Variants in LSM14B observed in about 807,000 individuals in gnomAD.
LSM14B encodes the protein LSM family member 14B.
LSM14B carries 8 observed loss-of-function variants against 42.1 expected under a neutral mutation model. The observed-to-expected ratio is 0.19, with a 90% CI of 0.11 to 0.34. LSM14B has a LOEUF of 0.34. Among genes scored for constraint, LSM14B ranks in the 10% least tolerant of loss-of-function variants. The pLI is 1.00. For missense variants in LSM14B, 396 were observed against 513.1 expected (o/e 0.77, Z 2.21); for synonymous variants, 219 against 209.7 (o/e 1.04, Z -0.38).
intron 7 of LSM14B, 83 bp downstream of exon 7, chr20:62,131,589 C>G: frequency 6.5e-7 from 1 of 1,540,450 alleles, no homozygotes; most frequent in Non-Finnish European, 8.8e-7. Context: ...GAGGGCAGAG[C>G]TGGACTCTGA....
rs761093038 is a variant in LSM14B at position 62,129,941 on chromosome 20, A to G, written c.584A>G (p.Lys195Arg). 3.5e-5 allele frequency: 56 copies of G among 1,612,952 alleles called. No homozygotes were observed. In the African/African-American group the frequency reaches 6.0e-4, roughly 17 times the overall value. Residue 195 changes from lysine to arginine, a missense_variant, in exon 4 of 9, where the codon AAG becomes AGG. Around this residue, in one of 3 missense-constraint regions of LSM14B, gnomAD observed 274 missense variants for 335.8 expected, o/e 0.82. Coordinates refer to ENST00000279068, the MANE Select transcript of LSM14B (RefSeq NM_144703.3). ...LNGRQAQPSS[K>R]TASDVVQPAA... ...GGTCGTCAGGCCCAGCCGAGCAGCA[A>G]GACGGCCAGCGGTACTTGAACACAT...
chr20:62,129,124 AG>A (rs2056690418), intron 3 of LSM14B: 1 of 682,312 alleles, frequency 1.5e-6, no homozygotes, highest in Non-Finnish European at 2.2e-6. Context: ...GCAGTTTCAT[AG>A]GCATAGCCCC....
intron 3 of LSM14B, chr20:62,127,648 A>G (rs2056644979): frequency 1.3e-6 from 2 of 1,550,964 alleles, no homozygotes; most frequent in Admixed American, 3.9e-5. Context: ...CCATCTCCAC[A>G]GCCCGTTTCA....
chr20:62,130,233 G>A lies in LSM14B; in HGVS notation c.610G>A (p.Ala204Thr). 1.2e-6 allele frequency: 2 copies of A among 1,604,112 alleles called. No individual in the cohort carries two copies. Among genetic ancestry groups the A allele is most frequent in the South Asian group, 2.2e-5 (2 of 89,288 alleles). Residue 204 changes from alanine (A) to threonine (T), a missense_variant, in exon 5 of 9, where the codon GCA becomes ACA. This residue lies in a region of LSM14B where 274 missense variants were observed against 335.8 expected (regional missense o/e 0.82). Coordinates refer to ENST00000279068, the MANE Select transcript of LSM14B (RefSeq NM_144703.3). This position sits in a 1 kb window ranked among gnomAD's most constrained non-coding sequence, Gnocchi z 4.1. ...SKTASDVVQP[A>T]AVQAQGQVND... Reference sequence around the variant, plus strand: ...TTGCGCCGTAGATGTAGTCCAGCCGGCAGCTGTGCAAGCTCAAGGGCAGGT... The same window carrying A: ...TTGCGCCGTAGATGTAGTCCAGCCGACAGCTGTGCAAGCTCAAGGGCAGGT...
Position 62,129,791 on chromosome 20 carries a change from G to C in LSM14B, c.434G>C (p.Gly145Ala). The C allele has an allele frequency of 6.2e-7, 1 of 1,609,034 alleles. No individual in the cohort carries two copies. The highest frequency in any genetic ancestry group is 8.5e-7 in the Non-Finnish European group (1 of 1,177,876). ...CCTCCCCTCCTCAATTCAGGAGCTG[G>C]TTTTCCATCCATCCCAGTCGGCAAG... is the stretch of plus-strand genomic sequence containing the variant. Reference protein sequence around the residue: ...QYAASLGLGAGFPSIPVGKSP... With the variant: ...QYAASLGLGAAFPSIPVGKSP... The change falls in exon 4 of 9, where the codon GGT (glycine) becomes GCT (alanine). Residue 145 changes from glycine to alanine, a missense_variant. Coordinates refer to ENST00000279068, the MANE Select transcript of LSM14B (RefSeq NM_144703.3).
rs1220140166 is a variant in LSM14B, at chr20:62,135,090, TGGAG to T, written c.*949_*952del. On this transcript the variant is annotated 3_prime_UTR_variant, in exon 9 of 9. Coordinates refer to ENST00000279068, the MANE Select transcript of LSM14B (RefSeq NM_144703.3). The stretch of plus-strand genomic sequence containing the variant: ...TTTGTGTTTGTGTTGTAACAGTGGG[TGGAG>T]GGAGGGTGGGGTCTACATTTGTTGC... 2.0e-5 allele frequency: 3 copies of T among 151,908 alleles called. No homozygotes were observed. Among genetic ancestry groups the T allele is most frequent in the Non-Finnish European group, 4.4e-5 (3 of 67,984 alleles). 9.4% of individuals were successfully genotyped at this position (151,908 alleles called of 1,614,324 possible).
chr20:62,129,970 T>C lies in LSM14B; in HGVS notation c.595+18T>C. 1 of 1,590,608 alleles carries C rather than the reference T, an allele frequency of 6.3e-7. No individual in the cohort carries two copies. The highest frequency in any genetic ancestry group is 8.5e-7 in the Non-Finnish European group (1 of 1,170,094). On this transcript the variant is annotated intron_variant, in intron 4 of 8. Coordinates refer to ENST00000279068, the MANE Select transcript of LSM14B (RefSeq NM_144703.3). ...GGCCAGCGGTACTTGAACACATCAT[T>C]TCCTGGAGTTTGCTTGATGTTCTAA...
intron 3 of LSM14B, chr20:62,127,549 C>T: frequency 7.0e-7 from 1 of 1,431,136 alleles, no homozygotes; most frequent in Non-Finnish European, 9.6e-7. Context: ...TATTTGTGTG[C>T]TTTCTTTTTG....
In LSM14B at chr20:62,129,887, G is replaced by T. The variant is rs1568711372; in HGVS notation, c.530G>T (p.Gly177Val). ...DNLNAKKLLP[G>V]KGTTGTQLNG... ...CTGAATGCTAAAAAGCTGTTACCTGGCAAGGGCACCACAGGGACGCAGCTC... is the reference window on the plus strand; with the variant it reads ...CTGAATGCTAAAAAGCTGTTACCTGTCAAGGGCACCACAGGGACGCAGCTC... Residue 177 changes from glycine to valine, a missense_variant, in exon 4 of 9, where the codon GGC (glycine) becomes GTC (valine). Around this residue, in one of 3 missense-constraint regions of LSM14B, gnomAD observed 274 missense variants for 335.8 expected, o/e 0.82. Coordinates refer to ENST00000279068, the MANE Select transcript of LSM14B (RefSeq NM_144703.3). 1 of 1,613,310 alleles carries T rather than the reference G, an allele frequency of 6.2e-7. No homozygotes were observed. The highest frequency in any genetic ancestry group is 8.5e-7 in the Non-Finnish European group (1 of 1,179,696).
At position 62,130,765 on chromosome 20, in the gene LSM14B, C is replaced by A. The variant is rs974747279; in HGVS notation, c.835+74C>A. 15 of 1,489,776 alleles carry A rather than the reference C, an allele frequency of 1.0e-5. No individual in the cohort carries two copies. In the Admixed American group the frequency reaches 2.0e-4, roughly 19 times the overall value. The allele number at this position is 1,489,776 out of a possible 1,614,324, so 92.3% of individuals were successfully genotyped here. On this transcript the variant is annotated intron_variant, in intron 6 of 8. Transcript: ENST00000279068. This position sits in a 1 kb window ranked among gnomAD's most constrained non-coding sequence, Gnocchi z 4.1. ...AGAGTGTTAGGAGGAGATGCCTGGC[C>A]GGGTGTGGTGGTTCACGCCTGTAAT...
chr20:62,131,527 G>C (rs763448828), intron 7 of LSM14B, 21 bp downstream of exon 7: 16 of 1,609,884 alleles, frequency 9.9e-6, no homozygotes, highest in Non-Finnish European at 1.4e-5. Context: ...GAATGAATGA[G>C]GGGAGGACAG....
intron 7 of LSM14B, among the ~76,000 whole-genome samples, chr20:62,133,081 C>T (rs577526304): frequency 6.6e-6 from 1 of 152,294 alleles, no homozygotes; most frequent in East Asian, 1.9e-4. Context: ...TCCCGATCCC[C>T]GGCCCACTGT....
At chr20:62,133,204 C>T in intron 7 of LSM14B, 86 bp from the exon 8 acceptor site, 2 of 1,525,374 alleles carry the variant, frequency 1.3e-6, no homozygotes, top group East Asian at 2.3e-5. Flanking sequence ...TCTGTCCCTC[C>T]TTCCCTGGGC....
Position 62,129,905 on chromosome 20 carries a change from C to T in LSM14B, c.548C>T (p.Thr183Met), listed in dbSNP as rs199612822. ...TTACCTGGCAAGGGCACCACAGGGA[C>T]GCAGCTCAACGGTCGTCAGGCCCAG... ...KLLPGKGTTG[T>M]QLNGRQAQPS... The change falls in exon 4 of 9, where the codon ACG (threonine) becomes ATG (methionine). Residue 183 changes from threonine (T) to methionine (M), a missense_variant. Coordinates refer to ENST00000279068, the MANE Select transcript of LSM14B (RefSeq NM_144703.3). The T allele has an allele frequency of 5.6e-5, 90 of 1,613,464 alleles. No homozygotes were observed. The East Asian group carries it at 6.5e-4, about 12-fold the overall frequency.
rs768690742 is a variant in LSM14B, at chr20:62,134,796, G to T, written c.*648G>T. On this transcript the variant is annotated 3_prime_UTR_variant, in exon 9 of 9. Transcript: ENST00000279068. ...GGGTGGGTGGACTAGAAGCATTTGG[G>T]AGTAGTGGCCAGGGGCCCTGGACGC... 40 of 157,272 alleles carry T rather than the reference G, an allele frequency of 2.5e-4. 1 individual carries two copies. Among genetic ancestry groups the T allele is most frequent in the Non-Finnish European group, 5.0e-4 (36 of 71,546 alleles). 9.7% of individuals were successfully genotyped at this position (157,272 alleles called of 1,614,324 possible).
chr20:62,129,857 A>G lies in LSM14B; in HGVS notation c.500A>G (p.Asp167Gly), dbSNP rs761183136. The G allele has an allele frequency of 1.2e-6, 2 of 1,612,670 alleles. No individual in the cohort carries two copies. The highest frequency in any genetic ancestry group is 2.2e-5 in the South Asian group (2 of 90,818). ...VEQAVQTGSA[D>G]NLNAKKLLPG... is the part of the protein sequence containing the mutation. ...CAGGCTGTGCAGACTGGTTCTGCTG[A>G]CAACCTGAATGCTAAAAAGCTGTTA... Residue 167 changes from aspartate to glycine, a missense_variant, in exon 4 of 9, where the codon GAC becomes GGC. By Grantham distance (94) the Asp-to-Gly change is moderately conservative. Transcript: ENST00000279068.
chr20:62,126,124 T>C, intron 2 of LSM14B, 180 bp from the exon 3 acceptor site: 1 of 747,574 alleles, frequency 1.3e-6, no homozygotes, highest in East Asian at 2.7e-5. Flanking sequence ...GGAACTGAAA[T>C]GCTGTGGAAA....
In LSM14B at chr20:62,134,394, A is replaced by C; in HGVS notation, c.*246A>C. Reference sequence around the variant, plus strand: ...GTCTCTTTATCTGTGTTTCCTTTTTAGTTGCGCATAGCCTAATTCTAAGGT... The same window carrying C: ...GTCTCTTTATCTGTGTTTCCTTTTTCGTTGCGCATAGCCTAATTCTAAGGT... On this transcript the variant is annotated 3_prime_UTR_variant, in exon 9 of 9. Transcript: ENST00000279068. 1 of 449,998 alleles carries C rather than the reference A, an allele frequency of 2.2e-6. No individual in the cohort carries two copies. The highest frequency in any genetic ancestry group is 4.6e-6 in the Non-Finnish European group (1 of 218,542). 27.9% of individuals were successfully genotyped at this position (449,998 alleles called of 1,614,324 possible). A position where few individuals can be genotyped will look rare whatever the true frequency, so the allele number is the denominator to read the frequency against.
At chr20:62,126,049 A>G (rs2056588867) in intron 2 of LSM14B, among the ~76,000 whole-genome samples, 1 of 152,214 alleles carries the variant, frequency 6.6e-6, no homozygotes, top group South Asian at 2.1e-4. Context: ...CGACAGAGCA[A>G]TACTCTTTCA....
Sources: gnomAD v4.1 joint callset for allele counts (sites outside exome capture counted in the v4.1 genomes callset) on GRCh38, gnomAD v4.1.1 for gene constraint, gnomAD v4.1.1 regional missense constraint, Gnocchi (gnomAD v3.1) non-coding constraint, MANE v1.5 for transcripts, NCBI Gene and HGNC (gene_info 2026-07-23, HGNC 2026-07-21) for gene names.